The following PCDHGB5 variants were observed in gnomAD, a reference collection of about 807,000 sequenced individuals.
The protein encoded by PCDHGB5 is protocadherin gamma-B5.
Under a neutral mutation model 62.9 loss-of-function variants are expected in PCDHGB5, and 48 were observed. The observed-to-expected ratio is 0.76, with a 90% CI of 0.61 to 0.97. The LOEUF is 0.97. Among genes scored for constraint, PCDHGB5 ranks in the 50% least tolerant of loss-of-function variants. PCDHGB5 has a pLI of 0.00. For synonymous variants in PCDHGB5, 474 were observed against 511.2 expected, an observed-to-expected ratio of 0.93 and a Z score of 0.98; for missense variants, 1,118 against 1,198.6, an observed-to-expected ratio of 0.93 and a Z score of 0.99.
At chr5:141,448,782 T>C (rs2098606045) in intron 1 of PCDHGB5, among the ~76,000 whole-genome samples, 1 of 148,758 alleles carries the variant, frequency 6.7e-6, no homozygotes, top group Non-Finnish European at 1.5e-5. Flanking sequence ...GTACTAAAAA[T>C]ACAAAAAAAA....
At position 141,410,285 on chromosome 5, in the gene PCDHGB5, G is replaced by T. The variant is rs746596172; in HGVS notation, c.2397+9761G>T. 7 of 1,614,010 alleles carry T rather than the reference G, an allele frequency of 4.3e-6. No homozygotes were observed. The Admixed American group carries it at 1.2e-4, about 27-fold the overall frequency. ...TGAACTGCAGTTTTACCTGGTGGTGGCCTTGGCCTTAATCTCAGTGCTCTT... is the reference window on the plus strand; with the variant it reads ...TGAACTGCAGTTTTACCTGGTGGTGTCCTTGGCCTTAATCTCAGTGCTCTT... On this transcript the variant is annotated intron_variant, in intron 1 of 3. Coordinates refer to ENST00000617380, the MANE Select transcript of PCDHGB5 (RefSeq NM_018925.3).
chr5:141,476,023 G>T lies in PCDHGB5; in HGVS notation c.2398-18784G>T. On this transcript the variant is annotated intron_variant, in intron 1 of 3. Coordinates refer to ENST00000617380, the MANE Select transcript of PCDHGB5 (RefSeq NM_018925.3). The surrounding 1 kb of genome is among the most constrained non-coding windows in gnomAD (Gnocchi z 7.6). Reference sequence around the variant, plus strand: ...CATCCAGAAAGCCATGTCGGACTCGGCGCCCAGCGCCCAAGCGCTAACCCG... The same window carrying T: ...CATCCAGAAAGCCATGTCGGACTCGTCGCCCAGCGCCCAAGCGCTAACCCG... The T allele has an allele frequency of 7.1e-7, 1 of 1,415,690 alleles. No individual in the cohort carries two copies. Among genetic ancestry groups the T allele is most frequent in the Non-Finnish European group, 9.5e-7 (1 of 1,057,324 alleles). 87.7% of individuals were successfully genotyped at this position (1,415,690 alleles called of 1,614,324 possible).
Position 141,490,800 on chromosome 5 carries a change from TACCTTTG to T in PCDHGB5, c.2398-4004_2398-3998del, listed in dbSNP as rs763340907. Reference sequence around the variant, plus strand: ...AGGATGGACGGATCTTTGCCCAGCGTACCTTTGACTATGAATTGCTGCAGATGCTGCA... The same window carrying T: ...AGGATGGACGGATCTTTGCCCAGCGTACTATGAATTGCTGCAGATGCTGCA... On this transcript the variant is annotated intron_variant, in intron 1 of 3. Transcript: ENST00000617380. The surrounding 1 kb of genome is among the most constrained non-coding windows in gnomAD (Gnocchi z 5.4). 2.5e-6 allele frequency: 4 copies of T among 1,613,968 alleles called. No homozygotes were observed. The highest frequency in any genetic ancestry group is 1.7e-6 in the Non-Finnish European group (2 of 1,179,894).
intron 1 of PCDHGB5, chr5:141,427,316 C>G: frequency 2.2e-6 from 1 of 457,002 alleles, no homozygotes; most frequent in Non-Finnish European, 4.4e-6. Context: ...ATGCCCCAGA[C>G]GTGGTTTTTA....
intron 1 of PCDHGB5, chr5:141,413,959 G>A: frequency 1.9e-6 from 3 of 1,613,372 alleles, no homozygotes; most frequent in Middle Eastern, 3.3e-4. Context: ...TTTGCCTGTG[G>A]GCACTCAGCT....
intron 1 of PCDHGB5, chr5:141,478,600 C>T (rs762531135): frequency 6.4e-7 from 1 of 1,565,134 alleles, no homozygotes. Context: ...ATTCCTACAT[C>T]ATATTGAGGA....
chr5:141,474,986 A>G (rs1328341214), intron 1 of PCDHGB5, among the ~76,000 whole-genome samples: 1 of 152,238 alleles, frequency 6.6e-6, no homozygotes, highest in Non-Finnish European at 1.5e-5. Context: ...GTTTGGTGAC[A>G]ACAATTCTAA....
At chr5:141,423,463 G>T (rs772779471) in intron 1 of PCDHGB5, 22 of 1,613,992 alleles carry the variant, frequency 1.4e-5, no homozygotes, top group Non-Finnish European at 1.8e-5. Context: ...AGGCGTGGAC[G>T]GGGTACAGGC....
rs748873655 is a variant in PCDHGB5 at position 141,410,002 on chromosome 5, C to A, written c.2397+9478C>A. The A allele has an allele frequency of 1.1e-5, 18 of 1,613,250 alleles. No individual in the cohort carries two copies. Among genetic ancestry groups the A allele is most frequent in the Middle Eastern group, 1.7e-4 (1 of 6,056 alleles). On this transcript the variant is annotated intron_variant, in intron 1 of 3. Coordinates refer to ENST00000617380, the MANE Select transcript of PCDHGB5 (RefSeq NM_018925.3). ...TAGCGGTGGACGCCGACTCGGGACA[C>A]AACGCCTGGCTGTCCTACCACGTGC...
At chr5:141,445,490 C>A (rs1181158971) in intron 1 of PCDHGB5, among the ~76,000 whole-genome samples, 1 of 152,134 alleles carries the variant, frequency 6.6e-6, no homozygotes, top group African/African-American at 2.4e-5. Flanking sequence ...AGTTAATGGG[C>A]CCTATTCTAA....
At chr5:141,433,266 T>C in intron 1 of PCDHGB5, 1 of 1,315,306 alleles carries the variant, frequency 7.6e-7, no homozygotes, top group Non-Finnish European at 1.1e-6. Flanking sequence ...CGATCATAGC[T>C]CACTGCAGCC....
At chr5:141,400,557 ACC>A in intron 1 of PCDHGB5, 33 bp downstream of exon 1, 5 of 1,613,254 alleles carry the variant, frequency 3.1e-6, no homozygotes, top group Non-Finnish European at 3.4e-6. Context: ...CTTTTTCATT[ACC>A]CACCCAATTT....
intron 1 of PCDHGB5, chr5:141,419,425 C>A (rs3749766): frequency 2.5e-6 from 4 of 1,613,316 alleles, no homozygotes; most frequent in Non-Finnish European, 3.4e-6. Context: ...CCTTCGACCA[C>A]GAGCAGCTGC....
At chr5:141,478,598 A>C in intron 1 of PCDHGB5, 1 of 1,566,350 alleles carries the variant, frequency 6.4e-7, no homozygotes, top group South Asian at 1.2e-5. Flanking sequence ...TTATTCCTAC[A>C]TCATATTGAG....
At chr5:141,451,776 G>C (rs1279891846) in intron 1 of PCDHGB5, among the ~76,000 whole-genome samples, 1 of 152,078 alleles carries the variant, frequency 6.6e-6, no homozygotes, top group Non-Finnish European at 1.5e-5. Flanking sequence ...AGCTACTCAG[G>C]AGGCTGAGGC....
At position 141,511,130 on chromosome 5, in the gene PCDHGB5, G is replaced by A. The variant is rs777082914; in HGVS notation, c.2729G>A (p.Gly910Asp). ...GKRDGKAPAG[G>D]NGNKKKSGKK... ...CGGGATGGCAAGGCCCCAGCAGGTG[G>A]CAATGGCAACAAGAAGAAGTCGGGC... The change falls in exon 4 of 4, where the codon GGC (glycine) becomes GAC (aspartate). Residue 910 changes from glycine (G) to aspartate (D), a missense_variant. Coordinates refer to ENST00000617380, the MANE Select transcript of PCDHGB5 (RefSeq NM_018925.3). 6.2e-7 allele frequency: 1 copy of A among 1,614,210 alleles called. No homozygotes were observed. The highest frequency in any genetic ancestry group is 1.1e-5 in the South Asian group (1 of 91,090).
chr5:141,408,439 G>A (rs1057408625), intron 1 of PCDHGB5: 4 of 1,613,950 alleles, frequency 2.5e-6, no homozygotes, highest in Non-Finnish European at 3.4e-6. Flanking sequence ...GCGTAGACGC[G>A]GAGAGCGGGG....
chr5:141,478,381 C>A (rs931860600), intron 1 of PCDHGB5: 1 of 1,613,664 alleles, frequency 6.2e-7, no homozygotes, highest in Admixed American at 1.7e-5. Flanking sequence ...TGTCGCCGCA[C>A]CTTTACCATC....
At chr5:141,461,861 T>C (rs1445632008) in intron 1 of PCDHGB5, among the ~76,000 whole-genome samples, 8 of 152,182 alleles carry the variant, frequency 5.3e-5, no homozygotes, top group Middle Eastern at 3.4e-3. Flanking sequence ...TTTGCTCTTG[T>C]TGCCCAGGCT....
Sources: gnomAD v4.1 joint callset for allele counts (sites outside exome capture counted in the v4.1 genomes callset) on GRCh38, gnomAD v4.1.1 for gene constraint, Gnocchi (gnomAD v3.1) non-coding constraint, MANE v1.5 for transcripts, NCBI Gene and HGNC (gene_info 2026-07-23, HGNC 2026-07-21) for gene names.